HERC4: variants seen among roughly 807,000 people sequenced by gnomAD.
The protein encoded by HERC4 is probable E3 ubiquitin-protein ligase HERC4.
HERC4 carries 28 observed loss-of-function variants against 124.3 expected under a neutral mutation model. The observed-to-expected ratio is 0.23, with a 90% CI of 0.17 to 0.31. The LOEUF (loss-of-function observed/expected upper bound fraction) is 0.31, where lower values mean the gene tolerates loss of function less well. Ranked by LOEUF, HERC4 falls within the 10% of genes least tolerant of loss-of-function variation. The probability of loss-of-function intolerance (pLI) is 1.00; values close to 1 mark genes in which losing one functional copy is unlikely to be tolerated. For synonymous variants in HERC4, 407 were observed against 421.5 expected, an observed-to-expected ratio of 0.97 and a Z score of 0.42; for missense variants, 713 against 1,229.3, an observed-to-expected ratio of 0.58 and a Z score of 6.28.
chr10:68,017,707 A>T (rs567511027), intron 8 of HERC4, among the ~76,000 whole-genome samples: 40 of 152,104 alleles, frequency 2.6e-4, no homozygotes, highest in Non-Finnish European at 4.9e-4. Context: ...CAGGCTGGTC[A>T]TGAACCCCTG....
At chr10:67,936,092 T>C in intron 22 of HERC4, 61 bp downstream of exon 22, 1 of 1,103,924 alleles carries the variant, frequency 9.1e-7, no homozygotes, top group Non-Finnish European at 1.3e-6. Context: ...GTTTTCTACG[T>C]ACAGAAGAAA....
chr10:67,926,258 G>T (rs1192002928), intron 23 of HERC4, among the ~76,000 whole-genome samples: 1 of 152,090 alleles, frequency 6.6e-6, no homozygotes, highest in Admixed American at 6.5e-5. Context: ...AGCTGGGCAT[G>T]GTGGCAGGCG....
intron 9 of HERC4, among the ~76,000 whole-genome samples, chr10:67,998,748 T>C (rs936802382): frequency 1.3e-5 from 2 of 152,134 alleles, no homozygotes; most frequent in Non-Finnish European, 2.9e-5. Context: ...CATGTAGTTG[T>C]TTTTTTCATG....
intron 3 of HERC4, among the ~76,000 whole-genome samples, chr10:68,061,713 T>C (rs1000756045): frequency 1.3e-5 from 2 of 150,654 alleles, no homozygotes; most frequent in Admixed American, 6.6e-5. Context: ...ACCACGTCTC[T>C]ACTAAAAATA....
intron 9 of HERC4, among the ~76,000 whole-genome samples, chr10:68,006,711 A>C (rs1017380335): frequency 2.0e-5 from 3 of 151,828 alleles, no homozygotes; most frequent in African/African-American, 7.3e-5. Flanking sequence ...GGAAGTCTTT[A>C]TTTCTCCTTC....
rs1021531896 is a variant in HERC4 at position 67,974,089 on chromosome 10, C to T, written c.1807-7287G>A. ...AAATTACTGTACACACACACACACA[C>T]ACACACACACACACACACACACACA... On this transcript the variant is annotated intron_variant, in intron 15 of 24. Coordinates refer to ENST00000373700, the MANE Select transcript of HERC4 (RefSeq NM_015601.4). Among the ~76,000 whole-genome samples the T allele has an allele frequency of 9.7e-4, 132 of 136,708 alleles. 7 individuals are homozygous for T. Among genetic ancestry groups the T allele is most frequent in the Admixed American group, 1.3e-3 (17 of 12,930 alleles). The allele number at this position is 136,708 out of a possible 152,430, so 89.7% of individuals were successfully genotyped here. A position where few individuals can be genotyped will look rare whatever the true frequency, so the allele number is the denominator to read the frequency against.
At chr10:68,064,180 C>T (rs182350064) in intron 3 of HERC4, among the ~76,000 whole-genome samples, 22 of 148,032 alleles carry the variant, frequency 1.5e-4, no homozygotes, top group African/African-American at 4.7e-4. Flanking sequence ...CAGAGGTTGC[C>T]GTGAGCCGAG....
intron 15 of HERC4, among the ~76,000 whole-genome samples, chr10:67,977,874 G>C (rs925982820): frequency 2.7e-5 from 4 of 150,618 alleles, no homozygotes; most frequent in Non-Finnish European, 5.9e-5. Flanking sequence ...CCAGCTACTT[G>C]GGAGGCTGAG....
At chr10:67,966,623 TC>T (rs1372651115) in intron 16 of HERC4, 59 bp downstream of exon 16, 1 of 1,507,464 alleles carries the variant, frequency 6.6e-7, no homozygotes, top group Admixed American at 2.3e-5. Context: ...AGCAATTGTT[TC>T]TTTTTTTATT....
intron 19 of HERC4, among the ~76,000 whole-genome samples, chr10:67,953,161 T>G (rs1335363836): frequency 6.6e-6 from 1 of 152,152 alleles, no homozygotes; most frequent in Admixed American, 6.5e-5. Flanking sequence ...ACATCTTATT[T>G]TGTAGATTTG....
chr10:67,954,855 A>G lies in HERC4; in HGVS notation c.2193+108T>C, dbSNP rs958503716. On this transcript the variant is annotated intron_variant, in intron 18 of 24. Transcript: ENST00000373700. ...CTACAATTAATAGTTTAAAATAAAT[A>G]TAATTTTATTTATTAAGTTTAAAAG... The G allele has an allele frequency of 3.3e-6, 4 of 1,203,044 alleles. 1 individual carries two copies. The highest frequency in any genetic ancestry group is 3.2e-5 in the Admixed American group (1 of 30,986). The allele number at this position is 1,203,044 out of a possible 1,614,324, so 74.5% of individuals were successfully genotyped here. A position where few individuals can be genotyped will look rare whatever the true frequency, so the allele number is the denominator to read the frequency against.
chr10:67,954,792 T>C, intron 18 of HERC4, 54 bp from the exon 19 acceptor site: 1 of 1,542,838 alleles, frequency 6.5e-7, no homozygotes, highest in Non-Finnish European at 8.9e-7. Flanking sequence ...GAAAGTACAT[T>C]CTGGAGACCC....
chr10:67,929,687 G>C (rs2031563793), intron 23 of HERC4, among the ~76,000 whole-genome samples: 1 of 151,690 alleles, frequency 6.6e-6, no homozygotes, highest in South Asian at 2.1e-4. Context: ...GCCAATTTTT[G>C]TATTTTTTGT....
intron 3 of HERC4, among the ~76,000 whole-genome samples, chr10:68,071,593 T>C (rs914471156): frequency 1.3e-5 from 2 of 152,176 alleles, no homozygotes. Flanking sequence ...CATTTGTCTC[T>C]GGAGCAGAGA....
In HERC4 at chr10:67,929,309, C is replaced by T. The variant is rs1330234507; in HGVS notation, c.2838+3288G>A. ...CCACTGCCACAATTAGGATACTGAG[C>T]AGTCCCATCACTGTTATGCTCTTAG... On this transcript the variant is annotated intron_variant, in intron 23 of 24. Coordinates refer to ENST00000373700, the MANE Select transcript of HERC4 (RefSeq NM_015601.4). 2.0e-5 allele frequency among the ~76,000 whole-genome samples: 3 copies of T among 152,200 alleles called. No individual in the cohort carries two copies. The East Asian group carries it at 5.8e-4, about 29-fold the overall frequency.
intron 5 of HERC4, among the ~76,000 whole-genome samples, chr10:68,036,503 A>T (rs1287382043): frequency 6.6e-6 from 1 of 152,128 alleles, no homozygotes; most frequent in East Asian, 1.9e-4. Context: ...AAGAATACAC[A>T]GAGATTCCAT....
At chr10:68,031,598 A>G (rs1291538192) in intron 7 of HERC4, among the ~76,000 whole-genome samples, 3 of 152,184 alleles carry the variant, frequency 2.0e-5, no homozygotes, top group African/African-American at 7.2e-5. Context: ...GGCAAGTACT[A>G]CAAAATACTT....
At position 67,954,495 on chromosome 10, in the gene HERC4, A is replaced by C. The variant is rs1056925084; in HGVS notation, c.2337+100T>G. The C allele has an allele frequency of 7.8e-6, 7 of 901,646 alleles. No individual in the cohort carries two copies. In the African/African-American group the frequency reaches 1.2e-4, roughly 15 times the overall value. 55.9% of individuals were successfully genotyped at this position (901,646 alleles called of 1,614,324 possible). Reference sequence around the variant, plus strand: ...ATAAAGCAGATCTTATATGTTAGGGATCCAGTAGTAATTCCTTATTTACTG... The same window carrying C: ...ATAAAGCAGATCTTATATGTTAGGGCTCCAGTAGTAATTCCTTATTTACTG... On this transcript the variant is annotated intron_variant, in intron 19 of 24. Coordinates refer to ENST00000373700, the MANE Select transcript of HERC4 (RefSeq NM_015601.4).
intron 1 of HERC4, among the ~76,000 whole-genome samples, chr10:68,074,473 C>G (rs1239541462): frequency 6.6e-6 from 1 of 152,074 alleles, no homozygotes; most frequent in African/African-American, 2.4e-5. Context: ...AAGAGTAATA[C>G]AGGAAAATAC....
Sources: allele counts gnomAD v4.1 joint callset (sites outside exome capture counted in the v4.1 genomes callset), GRCh38; gene constraint gnomAD v4.1.1; transcripts MANE v1.5; gene names NCBI Gene and HGNC (gene_info 2026-07-23, HGNC 2026-07-21).